Variants in CSRNP3 observed in about 807,000 individuals in gnomAD.
CSRNP3 encodes cysteine/serine-rich nuclear protein 3.
A neutral mutation model predicts 48.0 loss-of-function variants in CSRNP3; 12 were observed. The ratio of observed to expected loss-of-function variants is 0.25; its 90% confidence interval spans 0.16 to 0.41. The LOEUF is 0.41. Ranked by LOEUF, CSRNP3 falls within the 10% of genes least tolerant of loss-of-function variation. The pLI, the probability that CSRNP3 is intolerant of heterozygous loss-of-function variation, is 1.00. For synonymous variants in CSRNP3, 263 were observed against 269.7 expected (o/e 0.98, Z 0.24); for missense variants, 580 against 724.4 (o/e 0.80, Z 2.29).
intron 3 of CSRNP3, among the ~76,000 whole-genome samples, chr2:165,518,660 A>G (rs1398753154): frequency 6.6e-6 from 1 of 152,012 alleles, no homozygotes; most frequent in Non-Finnish European, 1.5e-5. Context: ...GAAAAAGTAG[A>G]TGATTTTTGA....
chr2:165,676,267 A>G, intron 5 of CSRNP3, 45 bp from the exon 6 acceptor site: 1 of 1,491,788 alleles, frequency 6.7e-7, no homozygotes, highest in Non-Finnish European at 9.3e-7. Context: ...CAGATTTTGT[A>G]CCCTGCCCTT....
chr2:165,478,041 G>A (rs1369127428), intron 1 of CSRNP3, among the ~76,000 whole-genome samples: 3 of 151,372 alleles, frequency 2.0e-5, no homozygotes, highest in Admixed American at 1.3e-4. Context: ...GGAAAGGAAG[G>A]AAAGGAAGGA....
At chr2:165,675,206 G>C (rs1687403785) in intron 5 of CSRNP3, among the ~76,000 whole-genome samples, 1 of 152,098 alleles carries the variant, frequency 6.6e-6, no homozygotes, top group Non-Finnish European at 1.5e-5. Flanking sequence ...AATGATGTCT[G>C]ATGTTGCAAG....
At position 165,688,838 on chromosome 2, in the gene CSRNP3, T is replaced by C. The variant is rs1364247343; in HGVS notation, c.*9085T>C. 6.6e-6 allele frequency: 1 copy of C among 152,156 alleles called. No individual in the cohort carries two copies. Among genetic ancestry groups the C allele is most frequent in the Non-Finnish European group, 1.5e-5 (1 of 68,012 alleles). The allele number at this position is 152,156 out of a possible 1,614,324, so 9.4% of individuals were successfully genotyped here. ...AACTTTAAAAACTCAGAAAAGCCAC[T>C]GAACTGTATTTTGTGACCTTATGAT... is the stretch of plus-strand genomic sequence containing the variant. On this transcript the variant is annotated 3_prime_UTR_variant, in exon 7 of 7. Coordinates refer to ENST00000651982, the MANE Select transcript of CSRNP3 (RefSeq NM_001172173.2).
intron 3 of CSRNP3, among the ~76,000 whole-genome samples, chr2:165,586,234 G>T (rs1459055796): frequency 6.6e-6 from 1 of 152,034 alleles, no homozygotes. Flanking sequence ...GTAAATTCAT[G>T]ATTCACCTTT....
intron 3 of CSRNP3, among the ~76,000 whole-genome samples, chr2:165,521,023 C>T (rs1684654352): frequency 6.6e-6 from 1 of 150,958 alleles, no homozygotes; most frequent in African/African-American, 2.4e-5. Flanking sequence ...GAGACAAGGT[C>T]TTGCTTGTAG....
chr2:165,535,403 A>G (rs1304747755), intron 3 of CSRNP3, among the ~76,000 whole-genome samples: 3 of 151,454 alleles, frequency 2.0e-5, no homozygotes, highest in African/African-American at 4.8e-5. Flanking sequence ...TTCTGCTGCT[A>G]GGAAGAAAAC....
chr2:165,540,317 TC>T, intron 3 of CSRNP3, among the ~76,000 whole-genome samples: 1 of 152,226 alleles, frequency 6.6e-6, no homozygotes, highest in East Asian at 1.9e-4. Flanking sequence ...GTTTGACATT[TC>T]CACTAGTGTA....
intron 4 of CSRNP3, among the ~76,000 whole-genome samples, chr2:165,640,198 T>C (rs1331074427): frequency 6.6e-6 from 1 of 152,230 alleles, no homozygotes; most frequent in Non-Finnish European, 1.5e-5. Context: ...CAGTACTTAC[T>C]ACGTGCCAAA....
intron 3 of CSRNP3, among the ~76,000 whole-genome samples, chr2:165,561,793 T>C (rs991039486): frequency 2.6e-5 from 4 of 152,174 alleles, no homozygotes; most frequent in African/African-American, 9.6e-5. Context: ...AATTTCTATT[T>C]TGTAAGCTCT....
chr2:165,565,826 T>A (rs1685289697), intron 3 of CSRNP3, among the ~76,000 whole-genome samples: 1 of 152,114 alleles, frequency 6.6e-6, no homozygotes, highest in Admixed American at 6.6e-5. Context: ...ATGATTTTAA[T>A]CTGCACAGAA....
intron 4 of CSRNP3, among the ~76,000 whole-genome samples, chr2:165,646,163 G>A (rs571153156): frequency 6.6e-6 from 1 of 152,076 alleles, no homozygotes; most frequent in South Asian, 2.1e-4. Flanking sequence ...TATAGTAAAG[G>A]CTTTTTTAGA....
chr2:165,648,771 A>G (rs1248965296), intron 4 of CSRNP3, among the ~76,000 whole-genome samples: 1 of 152,216 alleles, frequency 6.6e-6, no homozygotes, highest in East Asian at 1.9e-4. Flanking sequence ...AGTTAATCAT[A>G]TTAATTATTT....
intron 3 of CSRNP3, among the ~76,000 whole-genome samples, chr2:165,575,311 ACAAT>A (rs936573702): frequency 4.6e-5 from 7 of 152,186 alleles, no homozygotes; most frequent in East Asian, 1.9e-4. Context: ...TTAAAACAGT[ACAAT>A]CAAACTGTTT....
At chr2:165,603,861 T>C (rs1292003397) in intron 4 of CSRNP3, among the ~76,000 whole-genome samples, 2 of 152,206 alleles carry the variant, frequency 1.3e-5, no homozygotes, top group African/African-American at 4.8e-5. Flanking sequence ...CCAATCACTT[T>C]TCCCTCACCT....
intron 3 of CSRNP3, among the ~76,000 whole-genome samples, chr2:165,585,765 T>C (rs934527689): frequency 2.0e-5 from 3 of 152,212 alleles, no homozygotes; most frequent in African/African-American, 7.2e-5. Context: ...TTAACATGCC[T>C]GTTGATCTAA....
chr2:165,564,461 AT>A (rs1248039757), intron 3 of CSRNP3, among the ~76,000 whole-genome samples: 1 of 152,006 alleles, frequency 6.6e-6, no homozygotes, highest in Non-Finnish European at 1.5e-5. Flanking sequence ...AGAATGACCT[AT>A]TTTGTAATTC....
At chr2:165,678,185 G>C (rs1339906287) in intron 6 of CSRNP3, among the ~76,000 whole-genome samples, 2 of 152,114 alleles carry the variant, frequency 1.3e-5, no homozygotes, top group Non-Finnish European at 2.9e-5. Context: ...ATAAGCAAAG[G>C]GAAAAGCACC....
intron 4 of CSRNP3, among the ~76,000 whole-genome samples, chr2:165,644,146 T>C (rs1686773879): frequency 6.6e-6 from 1 of 152,174 alleles, no homozygotes; most frequent in Admixed American, 6.5e-5. Flanking sequence ...AGTTGGATTG[T>C]TTAGAGATTA....
Sources: gnomAD v4.1 joint callset for allele counts (sites outside exome capture counted in the v4.1 genomes callset) on GRCh38, gnomAD v4.1.1 for gene constraint, MANE v1.5 for transcripts, NCBI Gene and HGNC (gene_info 2026-07-23, HGNC 2026-07-21) for gene names.